PTPRD: variants seen among roughly 807,000 people sequenced by gnomAD.
PTPRD encodes receptor-type tyrosine-protein phosphatase delta.
A neutral mutation model predicts 214.5 loss-of-function variants in PTPRD; 34 were observed. That is an observed-to-expected ratio of 0.16 (90% CI 0.12 to 0.21). The LOEUF is 0.21. Ranked by LOEUF, PTPRD falls within the 10% of genes least tolerant of loss-of-function variation. The pLI is 1.00. For missense variants in PTPRD, 2,545 were observed against 2,398.7 expected, an observed-to-expected ratio of 1.06 and a Z score of -1.27; for synonymous variants, 1,128 against 845.7, an observed-to-expected ratio of 1.33 and a Z score of -5.79.
chr9:8,602,975 G>A lies in PTPRD; in HGVS notation c.352+30342C>T, dbSNP rs188436418. Among the ~76,000 whole-genome samples the A allele has an allele frequency of 2.3e-3, 352 of 152,220 alleles. 3 individuals carry two copies. Among genetic ancestry groups the A allele is most frequent in the African/African-American group, 8.2e-3 (342 of 41,540 alleles). ...CTGAATTAGTCTTCCTTAGACTGCT[G>A]CCACTGGAAGATGAAGAGATTCCAA... On this transcript the variant is annotated intron_variant, in intron 14 of 45. Transcript: ENST00000381196.
chr9:9,023,979 AT>A (rs1169828577), intron 10 of PTPRD, among the ~76,000 whole-genome samples: 18 of 151,972 alleles, frequency 1.2e-4, no homozygotes, highest in Non-Finnish European at 2.6e-4. Context: ...TTTTCTAAAA[AT>A]AATACAAATT....
chr9:10,368,327 G>C (rs1195671437), intron 2 of PTPRD, among the ~76,000 whole-genome samples: 1 of 152,072 alleles, frequency 6.6e-6, no homozygotes, highest in African/African-American at 2.4e-5. Context: ...GTCTTCTAAA[G>C]ATATCTAATG....
At chr9:10,376,871 A>T (rs1347455220) in intron 2 of PTPRD, among the ~76,000 whole-genome samples, 1 of 151,858 alleles carries the variant, frequency 6.6e-6, no homozygotes, top group Non-Finnish European at 1.5e-5. Context: ...AGAGTACGTA[A>T]CCCTTCAAGC....
intron 11 of PTPRD, among the ~76,000 whole-genome samples, chr9:8,994,091 G>A (rs986593223): frequency 2.6e-5 from 4 of 152,110 alleles, no homozygotes; most frequent in Non-Finnish European, 5.9e-5. Context: ...GATTCAGAAA[G>A]ATGCTGAGTA....
chr9:9,604,158 C>G (rs1022237683), intron 7 of PTPRD, among the ~76,000 whole-genome samples: 8 of 151,952 alleles, frequency 5.3e-5, no homozygotes, highest in Non-Finnish European at 1.0e-4. Flanking sequence ...GATATTAGAA[C>G]ATAAGCCACT....
chr9:9,781,965 T>C (rs1350130817), intron 5 of PTPRD, among the ~76,000 whole-genome samples: 1 of 152,062 alleles, frequency 6.6e-6, no homozygotes, highest in Non-Finnish European at 1.5e-5. Flanking sequence ...GCTAATTTTA[T>C]GTATTTTTAG....
chr9:8,543,018 A>ATAAG (rs2078889441), intron 14 of PTPRD, among the ~76,000 whole-genome samples: 2 of 152,232 alleles, frequency 1.3e-5, no homozygotes. Flanking sequence ...CTCCTGAATA[A>ATAAG]GAGGAAGAAT....
rs1417393156 is a variant in PTPRD at position 8,315,002 on chromosome 9, A to G, written c.*2872T>C. On this transcript the variant is annotated 3_prime_UTR_variant, in exon 46 of 46. Transcript: ENST00000381196. ...CTTTTTATATATTTTGATTTTTTTT[A>G]CCATTGTAACTAATTACAAAATTAT... is the stretch of plus-strand genomic sequence containing the variant. 11 of 232,334 alleles carry G rather than the reference A, an allele frequency of 4.7e-5. No individual in the cohort carries two copies. The highest frequency in any genetic ancestry group is 2.6e-5 in the Non-Finnish European group (3 of 117,228). 14.4% of individuals were successfully genotyped at this position (232,334 alleles called of 1,614,324 possible). A position where few individuals can be genotyped will look rare whatever the true frequency, so the allele number is the denominator to read the frequency against.
chr9:10,598,604 G>C (rs950435829), intron 2 of PTPRD, among the ~76,000 whole-genome samples: 2 of 151,024 alleles, frequency 1.3e-5, no homozygotes, highest in Non-Finnish European at 3.0e-5. Context: ...TAAGAATTTG[G>C]CATTCAACAT....
intron 9 of PTPRD, among the ~76,000 whole-genome samples, chr9:9,253,269 A>G (rs1206967602): frequency 6.6e-6 from 1 of 152,038 alleles, no homozygotes; most frequent in African/African-American, 2.4e-5. Context: ...AGTATCTATG[A>G]CTTCCATGAA....
chr9:10,199,824 C>A (rs1269869505), intron 3 of PTPRD, among the ~76,000 whole-genome samples: 1 of 151,572 alleles, frequency 6.6e-6, no homozygotes, highest in Admixed American at 6.6e-5. Flanking sequence ...AAACTATAAA[C>A]ATTGATATCA....
chr9:8,688,066 A>T (rs1396167251), intron 12 of PTPRD, among the ~76,000 whole-genome samples: 1 of 152,230 alleles, frequency 6.6e-6, no homozygotes, highest in Non-Finnish European at 1.5e-5. Context: ...GGCTTAAAAC[A>T]ATTTTTATTT....
chr9:9,946,271 C>G (rs771511861), intron 4 of PTPRD, among the ~76,000 whole-genome samples: 4 of 152,094 alleles, frequency 2.6e-5, no homozygotes, highest in Non-Finnish European at 5.9e-5. Flanking sequence ...ATAGGTGGTA[C>G]TCAATACTTG....
At chr9:8,318,400 TTTAC>T (rs1306592504) in intron 45 of PTPRD, among the ~76,000 whole-genome samples, 1 of 152,070 alleles carries the variant, frequency 6.6e-6, no homozygotes, top group Non-Finnish European at 1.5e-5. Flanking sequence ...AAAATCTGAA[TTTAC>T]TTATCTTCTG....
intron 3 of PTPRD, among the ~76,000 whole-genome samples, chr9:10,091,463 A>G (rs963079318): frequency 6.6e-6 from 1 of 151,578 alleles, no homozygotes; most frequent in African/African-American, 2.4e-5. Flanking sequence ...TATGTCAAAA[A>G]TATAAAAATA....
chr9:9,372,273 C>A lies in PTPRD; in HGVS notation c.-203+25176G>T, dbSNP rs534656634. ...AAGTCTCTGTGTAGGTCACAAAGGA[C>A]TTGCTTTATGTATCTGGGTGCTCCT... is the stretch of plus-strand genomic sequence containing the variant. On this transcript the variant is annotated intron_variant, in intron 9 of 45. Transcript: ENST00000381196. Among the ~76,000 whole-genome samples the A allele has an allele frequency of 1.6e-4, 25 of 152,184 alleles. No individual in the cohort carries two copies. In the South Asian group the frequency reaches 5.0e-3, roughly 30 times the overall value.
intron 35 of PTPRD, among the ~76,000 whole-genome samples, chr9:8,433,381 T>C (rs1481082834): frequency 6.6e-6 from 1 of 152,230 alleles, no homozygotes; most frequent in Non-Finnish European, 1.5e-5. Flanking sequence ...TTTATTGTTA[T>C]TTTAAAATGC....
At chr9:8,907,730 A>G (rs556399155) in intron 11 of PTPRD, among the ~76,000 whole-genome samples, 33 of 151,952 alleles carry the variant, frequency 2.2e-4, no homozygotes, top group African/African-American at 7.9e-4. Context: ...GTGATTCTAA[A>G]AAGAGATCAA....
At chr9:10,017,538 A>G (rs936181645) in intron 4 of PTPRD, among the ~76,000 whole-genome samples, 24 of 151,938 alleles carry the variant, frequency 1.6e-4, no homozygotes, top group African/African-American at 5.8e-4. Context: ...TTTATTTTTC[A>G]TGTTCCTCAA....
Sources: allele counts gnomAD v4.1 joint callset (sites outside exome capture counted in the v4.1 genomes callset), GRCh38; gene constraint gnomAD v4.1.1; transcripts MANE v1.5; gene names NCBI Gene and HGNC (gene_info 2026-07-23, HGNC 2026-07-21).